The following AKAP6 variants were observed in gnomAD, a reference collection of about 807,000 sequenced individuals.
AKAP6 encodes the protein A-kinase anchoring protein 6, also known as A-kinase anchor protein 6.
A neutral mutation model predicts 188.5 loss-of-function variants in AKAP6; 58 were observed. That is an observed-to-expected ratio of 0.31 (90% CI 0.25 to 0.38). The LOEUF (loss-of-function observed/expected upper bound fraction) is 0.38. Among genes scored for constraint, AKAP6 ranks in the 10% least tolerant of loss-of-function variants. The pLI is 1.00. For missense variants in AKAP6, 2,710 were observed against 2,740.0 expected (o/e 0.99, Z 0.24); for synonymous variants, 989 against 998.6 (o/e 0.99, Z 0.18).
At chr14:32,337,671 AT>A (rs1566450234) in intron 1 of AKAP6, among the ~76,000 whole-genome samples, 1 of 151,524 alleles carries the variant, frequency 6.6e-6, no homozygotes, top group Non-Finnish European at 1.5e-5. Context: ...TGCTGCACCC[AT>A]TAACTCGTCA....
chr14:32,526,995 C>A (rs1184637657), intron 2 of AKAP6, among the ~76,000 whole-genome samples: 2 of 152,140 alleles, frequency 1.3e-5, no homozygotes, highest in African/African-American at 4.8e-5. Flanking sequence ...ACATAGTGTA[C>A]ATTGGGTTCA....
chr14:32,802,271 A>T (rs1384557572), intron 12 of AKAP6, among the ~76,000 whole-genome samples: 1 of 152,208 alleles, frequency 6.6e-6, no homozygotes, highest in African/African-American at 2.4e-5. Context: ...ATCAAAGTTC[A>T]TAATCTTCCA....
At position 32,824,198 on chromosome 14, in the gene AKAP6, A is replaced by G. The variant is rs757345279; in HGVS notation, c.6385A>G (p.Ile2129Val). The change falls in exon 13 of 14, where the codon ATA becomes GTA. Residue 2129 changes from isoleucine (I) to valine (V), a missense_variant. By Grantham distance (29) the Ile-to-Val change is conservative. This residue lies in a region of AKAP6 where 2,473 missense variants were observed against 2,426.1 expected (regional missense o/e 1.02). Transcript: ENST00000280979. ...DSDCGEVTNYIEEKSSTPLPL... is the reference protein window; with the variant it reads ...DSDCGEVTNYVEEKSSTPLPL... ...TGATTGTGGGGAGGTCACCAATTACATAGAAGAGAAAAGCAGCACTCCATT... is the reference window on the plus strand; with the variant it reads ...TGATTGTGGGGAGGTCACCAATTACGTAGAAGAGAAAAGCAGCACTCCATT... 3.7e-6 allele frequency: 6 copies of G among 1,613,880 alleles called. No homozygotes were observed. The highest frequency in any genetic ancestry group is 4.5e-5 in the East Asian group (2 of 44,888).
At chr14:32,588,437 G>T (rs1323799488) in intron 5 of AKAP6, among the ~76,000 whole-genome samples, 2 of 152,120 alleles carry the variant, frequency 1.3e-5, no homozygotes, top group African/African-American at 2.4e-5. Flanking sequence ...TGTCCCATTT[G>T]TGTCTGCCTA....
chr14:32,620,636 A>G (rs1258631838), intron 7 of AKAP6, among the ~76,000 whole-genome samples: 1 of 151,634 alleles, frequency 6.6e-6, no homozygotes. Flanking sequence ...TTTTTTTGTT[A>G]AGTCCTTTTC....
intron 12 of AKAP6, among the ~76,000 whole-genome samples, chr14:32,797,029 G>C (rs2033790737): frequency 6.6e-6 from 1 of 152,104 alleles, no homozygotes; most frequent in Non-Finnish European, 1.5e-5. Context: ...TATGAAAAAA[G>C]CTCAACATCA....
intron 1 of AKAP6, among the ~76,000 whole-genome samples, chr14:32,393,822 C>A (rs921112455): frequency 6.6e-6 from 1 of 152,016 alleles, no homozygotes; most frequent in Non-Finnish European, 1.5e-5. Context: ...TAAAGAGATA[C>A]ATACATTTGT....
At chr14:32,817,146 C>A (rs912207085) in intron 12 of AKAP6, among the ~76,000 whole-genome samples, 15 of 152,076 alleles carry the variant, frequency 9.9e-5, no homozygotes, top group Non-Finnish European at 2.2e-4. Flanking sequence ...AAGTATTTCT[C>A]ATCTCTTATA....
chr14:32,560,122 C>T (rs1182478114), intron 4 of AKAP6, among the ~76,000 whole-genome samples: 1 of 152,044 alleles, frequency 6.6e-6, no homozygotes, highest in East Asian at 1.9e-4. Flanking sequence ...ACTTAAGATA[C>T]ACAGTAGATG....
rs1430279354 is a variant in AKAP6 at position 32,446,606 on chromosome 14, T to G, written c.324+12789T>G. Among the ~76,000 whole-genome samples the G allele has an allele frequency of 2.1e-4, 6 of 28,942 alleles. No individual in the cohort carries two copies. In the African/African-American group the frequency reaches 2.3e-3, roughly 11 times the overall value. 19.0% of individuals were successfully genotyped at this position (28,942 alleles called of 152,430 possible). ...TTTCTTAGAGCTAGTAGACATCTGT[T>G]TTTTTTTTTAATTTTCAAGATTATT... On this transcript the variant is annotated intron_variant, in intron 2 of 13. Coordinates refer to ENST00000280979, the MANE Select transcript of AKAP6 (RefSeq NM_004274.5).
intron 7 of AKAP6, among the ~76,000 whole-genome samples, chr14:32,611,305 T>G (rs1411004479): frequency 6.6e-6 from 1 of 152,174 alleles, no homozygotes; most frequent in Non-Finnish European, 1.5e-5. Context: ...TGATGCACAA[T>G]TAATAAGAAT....
chr14:32,510,654 A>G (rs1361633073), intron 2 of AKAP6, among the ~76,000 whole-genome samples: 1 of 151,658 alleles, frequency 6.6e-6, no homozygotes, highest in Non-Finnish European at 1.5e-5. Context: ...TGTCTGTACC[A>G]ATGTTTTCCA....
chr14:32,836,319 C>T lies in AKAP6; in HGVS notation c.*6514C>T, dbSNP rs1458059608. The T allele has an allele frequency of 6.6e-6, 1 of 152,174 alleles. No individual in the cohort carries two copies. The highest frequency in any genetic ancestry group is 1.5e-5 in the Non-Finnish European group (1 of 68,042). 9.4% of individuals were successfully genotyped at this position (152,174 alleles called of 1,614,324 possible). ...TCTGTTTCATTGATGCACCTTACTG[C>T]ATCCTCATCTGGTGGAAGGGGCAGT... On this transcript the variant is annotated 3_prime_UTR_variant, in exon 14 of 14. Transcript: ENST00000280979.
chr14:32,462,515 A>G (rs11844664), intron 2 of AKAP6, among the ~76,000 whole-genome samples: 2 of 152,200 alleles, frequency 1.3e-5, no homozygotes, highest in African/African-American at 4.8e-5. Flanking sequence ...TTCTTTATAG[A>G]CAGCAAATGT....
At chr14:32,460,432 G>A (rs1314310424) in intron 2 of AKAP6, among the ~76,000 whole-genome samples, 1 of 152,218 alleles carries the variant, frequency 6.6e-6, no homozygotes, top group East Asian at 1.9e-4. Context: ...ACCCACAGAG[G>A]GTGAGCAGAA....
chr14:32,673,273 T>G (rs1889295123), intron 7 of AKAP6, among the ~76,000 whole-genome samples: 1 of 152,208 alleles, frequency 6.6e-6, no homozygotes, highest in Non-Finnish European at 1.5e-5. Context: ...CATCCTTCCC[T>G]ACAATAATTT....
chr14:32,529,553 T>C (rs1328413060), intron 2 of AKAP6, among the ~76,000 whole-genome samples: 1 of 152,238 alleles, frequency 6.6e-6, no homozygotes, highest in Non-Finnish European at 1.5e-5. Flanking sequence ...GCTGTCAGTC[T>C]TTGCGGGAAA....
At chr14:32,505,534 C>T (rs1374458573) in intron 2 of AKAP6, among the ~76,000 whole-genome samples, 1 of 151,876 alleles carries the variant, frequency 6.6e-6, no homozygotes, top group Non-Finnish European at 1.5e-5. Context: ...TAAACAAAGA[C>T]AGAAATAAGA....
At chr14:32,725,902 T>C (rs2030848002) in intron 9 of AKAP6, among the ~76,000 whole-genome samples, 1 of 152,216 alleles carries the variant, frequency 6.6e-6, no homozygotes. Context: ...GAAGTTAAAG[T>C]CCTTGGTTGC....
Sources: gnomAD v4.1 joint callset for allele counts (sites outside exome capture counted in the v4.1 genomes callset) on GRCh38, gnomAD v4.1.1 for gene constraint, gnomAD v4.1.1 regional missense constraint, MANE v1.5 for transcripts, NCBI Gene and HGNC (gene_info 2026-07-23, HGNC 2026-07-21) for gene names.